Variants in EYS observed in about 807,000 individuals in gnomAD.
EYS encodes EGF-like photoreceptor maintenance factor.
EYS carries 250 observed loss-of-function variants against 282.1 expected under a neutral mutation model. That is an observed-to-expected ratio of 0.89 (90% confidence interval 0.80 to 0.98). The LOEUF is 0.98. Among genes scored for constraint, EYS ranks in the 50% least tolerant of loss-of-function variants. The pLI is 0.00. For synonymous variants in EYS, 1,355 were observed against 1,282.9 expected (o/e 1.06, Z -1.20); for missense variants, 4,016 against 3,709.0 (o/e 1.08, Z -2.15).
intron 29 of EYS, among the ~76,000 whole-genome samples, chr6:64,349,530 T>C (rs1771537532): frequency 1.3e-5 from 2 of 151,306 alleles, no homozygotes; most frequent in South Asian, 4.1e-4. Context: ...TGTGATATTG[T>C]TCAATACTAG....
intron 26 of EYS, among the ~76,000 whole-genome samples, chr6:64,484,071 A>T (rs1289659990): frequency 1.3e-5 from 2 of 151,628 alleles, no homozygotes; most frequent in Non-Finnish European, 3.0e-5. Flanking sequence ...GACTTTTTAA[A>T]TGTGTCTTTA....
chr6:64,038,924 T>C (rs1770254543), intron 33 of EYS, among the ~76,000 whole-genome samples: 1 of 151,886 alleles, frequency 6.6e-6, no homozygotes, highest in South Asian at 2.1e-4. Context: ...TCAGCCTCAC[T>C]CTCCTGAGTA....
At position 64,394,210 on chromosome 6, in the gene EYS, G is replaced by A. The variant is rs926239477; in HGVS notation, c.5928-5370C>T. Among the ~76,000 whole-genome samples, 9 of 152,244 alleles carry A rather than the reference G, an allele frequency of 5.9e-5. No individual in the cohort carries two copies. In the East Asian group the frequency reaches 7.7e-4, roughly 13 times the overall value. On this transcript the variant is annotated intron_variant, in intron 28 of 42. Transcript: ENST00000503581. Reference sequence around the variant, plus strand: ...TTGTGAAAATGGCCATACTGCCCAAGGTAATTTACAGATTCATTGCCATCC... The same window carrying A: ...TTGTGAAAATGGCCATACTGCCCAAAGTAATTTACAGATTCATTGCCATCC...
chr6:65,435,027 A>G (rs919615637), intron 5 of EYS, among the ~76,000 whole-genome samples: 3 of 151,910 alleles, frequency 2.0e-5, no homozygotes, highest in Non-Finnish European at 2.9e-5. Flanking sequence ...TTAAATAATT[A>G]ATAGATGAGT....
At chr6:64,012,425 G>T (rs928642188) in intron 33 of EYS, among the ~76,000 whole-genome samples, 7 of 152,182 alleles carry the variant, frequency 4.6e-5, no homozygotes, top group Admixed American at 6.5e-5. Flanking sequence ...CTCAGTATCA[G>T]CAGATGGCAG....
At chr6:64,880,192 C>G (rs1766870395) in intron 19 of EYS, among the ~76,000 whole-genome samples, 1 of 151,558 alleles carries the variant, frequency 6.6e-6, no homozygotes, top group Non-Finnish European at 1.5e-5. Flanking sequence ...ATTTGTAAGT[C>G]CTTTAAAATC....
intron 2 of EYS, among the ~76,000 whole-genome samples, chr6:65,548,085 T>G (rs971899664): frequency 6.6e-6 from 1 of 152,188 alleles, no homozygotes; most frequent in Non-Finnish European, 1.5e-5. Context: ...ACCCACACTT[T>G]GGTATATAGT....
chr6:65,091,602 T>C (rs1265699331), intron 12 of EYS, among the ~76,000 whole-genome samples: 2 of 152,138 alleles, frequency 1.3e-5, no homozygotes, highest in African/African-American at 4.8e-5. Flanking sequence ...TTATGGTTTG[T>C]TAAAATGCTA....
chr6:64,103,588 A>G (rs1772906557), intron 31 of EYS, among the ~76,000 whole-genome samples: 1 of 152,182 alleles, frequency 6.6e-6, no homozygotes, highest in African/African-American at 2.4e-5. Flanking sequence ...AATAGGAAAT[A>G]GAGCTAGAAA....
chr6:63,928,842 G>A (rs1172665439), intron 35 of EYS, among the ~76,000 whole-genome samples: 1 of 152,138 alleles, frequency 6.6e-6, no homozygotes, highest in Non-Finnish European at 1.5e-5. Context: ...AACCCACCTA[G>A]GGGGCCTGCA....
intron 39 of EYS, among the ~76,000 whole-genome samples, chr6:63,783,180 C>T (rs1770279613): frequency 6.6e-6 from 1 of 152,102 alleles, no homozygotes; most frequent in Non-Finnish European, 1.5e-5. Context: ...CCACTCTATT[C>T]AGAGTAGTAA....
At chr6:63,743,136 G>A (rs141368383) in intron 41 of EYS, among the ~76,000 whole-genome samples, 1,637 of 152,214 alleles carry the variant, frequency 0.011, 20 homozygotes, top group African/African-American at 0.038. Flanking sequence ...CCAGCATTTG[G>A]CATTGTCATT....
intron 35 of EYS, among the ~76,000 whole-genome samples, chr6:63,909,310 A>G (rs1773858908): frequency 6.6e-6 from 1 of 152,142 alleles, no homozygotes; most frequent in Non-Finnish European, 1.5e-5. Flanking sequence ...CAATTGATCA[A>G]TCTATCATTT....
chr6:65,350,850 A>G (rs1770571162), intron 9 of EYS, among the ~76,000 whole-genome samples: 1 of 151,688 alleles, frequency 6.6e-6, no homozygotes, highest in South Asian at 2.1e-4. Flanking sequence ...CATATTGGCA[A>G]GAATTGATTG....
At chr6:64,886,502 G>A (rs1583260060) in intron 19 of EYS, among the ~76,000 whole-genome samples, 195 bp downstream of exon 19, 1 of 151,674 alleles carries the variant, frequency 6.6e-6, no homozygotes, top group Non-Finnish European at 1.5e-5. Context: ...TCTAATCTTA[G>A]GATTTAATAA....
intron 26 of EYS, among the ~76,000 whole-genome samples, chr6:64,563,413 A>G (rs1163880740): frequency 6.6e-6 from 1 of 152,114 alleles, no homozygotes; most frequent in African/African-American, 2.4e-5. Context: ...ATAATCATTA[A>G]TAATTAAGCT....
intron 2 of EYS, among the ~76,000 whole-genome samples, chr6:65,524,684 T>C (rs2127301072): frequency 6.6e-6 from 1 of 152,316 alleles, no homozygotes; most frequent in South Asian, 2.1e-4. Context: ...TGCCATGAAG[T>C]GAATTCCTTA....
intron 33 of EYS, among the ~76,000 whole-genome samples, chr6:64,060,866 C>T (rs1771142777): frequency 6.6e-6 from 1 of 151,986 alleles, no homozygotes; most frequent in South Asian, 2.1e-4. Flanking sequence ...TTCTTGCTGC[C>T]CAACTATTAG....
chr6:65,672,741 G>A (rs1411981248), intron 1 of EYS, among the ~76,000 whole-genome samples: 2 of 152,020 alleles, frequency 1.3e-5, no homozygotes, highest in African/African-American at 4.8e-5. Flanking sequence ...TACATAAAAT[G>A]ACAACATCAA....
Sources: allele counts gnomAD v4.1 joint callset (sites outside exome capture counted in the v4.1 genomes callset), GRCh38; gene constraint gnomAD v4.1.1; transcripts MANE v1.5; gene names NCBI Gene and HGNC (gene_info 2026-07-23, HGNC 2026-07-21).